DGKG: variants seen among roughly 807,000 people sequenced by gnomAD.
DGKG encodes the protein DAG kinase gamma.
A neutral mutation model predicts 105.3 loss-of-function variants in DGKG; 78 were observed. That is an observed-to-expected ratio of 0.74 (90% CI 0.62 to 0.89). The LOEUF is 0.89. DGKG is among the 40% of genes least tolerant of loss of function. The pLI, the probability that DGKG is intolerant of heterozygous loss-of-function variation, is 0.00. For missense variants in DGKG, 958 were observed against 1,020.1 expected (o/e 0.94, Z 0.83); for synonymous variants, 346 against 367.1 (o/e 0.94, Z 0.66).
rs1347027504 is a variant in DGKG, at chr3:186,149,944, G to A, written c.*146C>T. ...TATGGCAAGGTGACGTTTTCTTCCC[G>A]AAGGGTGGCTTTGCTTCCACTGGTT... On this transcript the variant is annotated 3_prime_UTR_variant, in exon 25 of 25. Transcript: ENST00000265022. The A allele has an allele frequency of 9.8e-6, 14 of 1,424,152 alleles. No individual in the cohort carries two copies. Among genetic ancestry groups the A allele is most frequent in the South Asian group, 1.5e-5 (1 of 64,554 alleles). 88.2% of individuals were successfully genotyped at this position (1,424,152 alleles called of 1,614,324 possible). A position where few individuals can be genotyped will look rare whatever the true frequency, so the allele number is the denominator to read the frequency against.
chr3:186,185,508 C>G (rs895182224), intron 22 of DGKG, among the ~76,000 whole-genome samples: 8 of 152,260 alleles, frequency 5.3e-5, no homozygotes, highest in Non-Finnish European at 1.2e-4. Flanking sequence ...ATGATCTCAT[C>G]AAGAGCTTCC....
At chr3:186,318,172 T>C (rs910212660) in intron 2 of DGKG, among the ~76,000 whole-genome samples, 5 of 152,098 alleles carry the variant, frequency 3.3e-5, no homozygotes, top group Non-Finnish European at 1.5e-5. Flanking sequence ...AGTCTCCAGA[T>C]TCCTGGCTCT....
chr3:186,334,453 G>A (rs188251535), intron 1 of DGKG, among the ~76,000 whole-genome samples: 2 of 152,208 alleles, frequency 1.3e-5, no homozygotes, highest in Admixed American at 6.5e-5. Flanking sequence ...CCAACCAGCA[G>A]TGTCCTAATG....
At chr3:186,295,638 T>TAGAAA (rs1553814959) in intron 5 of DGKG, among the ~76,000 whole-genome samples, 1 of 84,528 alleles carries the variant, frequency 1.2e-5, no homozygotes, top group African/African-American at 5.0e-5. Flanking sequence ...TAATGCACAG[T>TAGAAA]AAAAAAAAAA....
intron 21 of DGKG, among the ~76,000 whole-genome samples, chr3:186,191,374 T>C (rs1274152782): frequency 6.6e-6 from 1 of 152,254 alleles, no homozygotes. Context: ...TTCTTATTTT[T>C]TGAACACTGG....
chr3:186,251,467 A>G (rs540259872), intron 19 of DGKG, among the ~76,000 whole-genome samples: 1 of 152,338 alleles, frequency 6.6e-6, no homozygotes, highest in East Asian at 1.9e-4. Flanking sequence ...TACGACTGCT[A>G]CAAATTGCAG....
chr3:186,263,192 T>C (rs9830123), intron 14 of DGKG, among the ~76,000 whole-genome samples: 1,855 of 152,068 alleles, frequency 0.012, 31 homozygotes, highest in African/African-American at 0.041. Context: ...AACAAAAACC[T>C]GCTTATCCTC....
chr3:186,265,122 G>T, intron 14 of DGKG, 125 bp downstream of exon 14: 1 of 852,194 alleles, frequency 1.2e-6, no homozygotes. Flanking sequence ...CTCCTGGGTG[G>T]TATAATTAGT....
chr3:186,197,565 A>T (rs923632515), intron 21 of DGKG, among the ~76,000 whole-genome samples: 1 of 152,140 alleles, frequency 6.6e-6, no homozygotes, highest in Non-Finnish European at 1.5e-5. Context: ...TTACAGCGAG[A>T]GCATTTCTGA....
chr3:186,240,775 A>C (rs1003752823), intron 20 of DGKG, among the ~76,000 whole-genome samples: 1 of 149,814 alleles, frequency 6.7e-6, no homozygotes, highest in Non-Finnish European at 1.5e-5. Flanking sequence ...GCGCCACTGC[A>C]CTCCAGGCTG....
intron 5 of DGKG, among the ~76,000 whole-genome samples, chr3:186,297,119 G>A (rs1723620563): frequency 2.9e-5 from 2 of 69,992 alleles, no homozygotes; most frequent in Non-Finnish European, 7.4e-5. Flanking sequence ...CCCTGAGAAG[G>A]CTCTCCACTT....
At chr3:186,348,644 G>GT (rs1726478125) in intron 1 of DGKG, among the ~76,000 whole-genome samples, 2 of 151,702 alleles carry the variant, frequency 1.3e-5, no homozygotes, top group Admixed American at 1.3e-4. Flanking sequence ...TAGAGGTGGG[G>GT]TTTTGCCATG....
At chr3:186,199,195 C>G (rs1718327592) in intron 21 of DGKG, among the ~76,000 whole-genome samples, 1 of 152,084 alleles carries the variant, frequency 6.6e-6, no homozygotes, top group Non-Finnish European at 1.5e-5. Context: ...GTGATCTGCC[C>G]ACCTCAGCCT....
In DGKG at chr3:186,231,181, C is replaced by T. The variant is rs1298264051; in HGVS notation, c.1826+11323G>A. Among the ~76,000 whole-genome samples the T allele has an allele frequency of 1.3e-5, 2 of 152,174 alleles. No individual in the cohort carries two copies. Among genetic ancestry groups the T allele is most frequent in the Non-Finnish European group, 2.9e-5 (2 of 68,032 alleles). On this transcript the variant is annotated intron_variant, in intron 20 of 24. Coordinates refer to ENST00000265022, the MANE Select transcript of DGKG (RefSeq NM_001346.3). This position sits in a 1 kb window ranked among gnomAD's most constrained non-coding sequence, Gnocchi z 4.5. ...TCCCAGTACGTTCTCTGTTTCTCTC[C>T]AGGAAAAGTGATTTTGGATAACTTG...
chr3:186,327,159 G>A (rs1036587991), intron 1 of DGKG, among the ~76,000 whole-genome samples: 4 of 152,078 alleles, frequency 2.6e-5, no homozygotes, highest in African/African-American at 4.8e-5. Context: ...GTGGGATCCC[G>A]TCTCAAAACA....
intron 3 of DGKG, among the ~76,000 whole-genome samples, chr3:186,300,757 A>C: frequency 6.6e-6 from 1 of 152,264 alleles, no homozygotes; most frequent in East Asian, 1.9e-4. Context: ...AATAAAAAGA[A>C]AGTTTAGTTA....
chr3:186,162,538 T>TTTTTG, intron 23 of DGKG, among the ~76,000 whole-genome samples: 1 of 152,152 alleles, frequency 6.6e-6, no homozygotes, highest in Admixed American at 6.5e-5. Context: ...TCAGTCCTGG[T>TTTTTG]TTTTGTTTTG....
intron 22 of DGKG, among the ~76,000 whole-genome samples, chr3:186,165,765 G>GT (rs1716512330): frequency 6.6e-6 from 1 of 152,240 alleles, no homozygotes; most frequent in Non-Finnish European, 1.5e-5. Flanking sequence ...CTGAGGCTTG[G>GT]ATGGTGCTTC....
intron 14 of DGKG, among the ~76,000 whole-genome samples, chr3:186,263,154 AC>A (rs1306451392): frequency 5.4e-5 from 8 of 148,536 alleles, no homozygotes; most frequent in African/African-American, 2.0e-4. Context: ...AAACAAACAA[AC>A]AAACAAAAAA....
Sources: allele counts gnomAD v4.1 joint callset (sites outside exome capture counted in the v4.1 genomes callset), GRCh38; gene constraint gnomAD v4.1.1; non-coding constraint Gnocchi (gnomAD v3.1); transcripts MANE v1.5; gene names NCBI Gene and HGNC (gene_info 2026-07-23, HGNC 2026-07-21).